Variants in HCRTR2 observed in about 807,000 individuals in gnomAD.
HCRTR2 encodes hypocretin receptor 2, also known as orexin receptor type 2.
In HCRTR2, 22 loss-of-function variants were observed where a neutral mutation model predicts 49.0. The observed-to-expected ratio is 0.45, with a 90% CI of 0.32 to 0.64. HCRTR2 has a LOEUF of 0.64. HCRTR2 is among the 30% of genes least tolerant of loss of function. HCRTR2 has a pLI of 0.04. For synonymous variants in HCRTR2, 236 were observed against 205.3 expected (o/e 1.15, Z -1.28); for missense variants, 491 against 559.4 (o/e 0.88, Z 1.23).
chr6:55,138,564 A>C (rs1398803034), intron 1 of HCRTR2, among the ~76,000 whole-genome samples: 2 of 152,170 alleles, frequency 1.3e-5, no homozygotes, highest in Non-Finnish European at 2.9e-5. Flanking sequence ...AGATGTTAAA[A>C]CTGTATTTTT....
At chr6:55,173,603 G>A (rs1764982777), upstream of HCRTR2, among the ~76,000 whole-genome samples, 1 of 152,178 alleles carries the variant, frequency 6.6e-6, no homozygotes, top group African/African-American at 2.4e-5. Flanking sequence ...ATTTACCAGA[G>A]AGAGCACTTC....
intron 1 of HCRTR2, among the ~76,000 whole-genome samples, chr6:55,226,788 G>C (rs889413069): frequency 3.7e-5 from 5 of 133,564 alleles, no homozygotes; most frequent in African/African-American, 1.4e-4. Flanking sequence ...GTGAGATCTC[G>C]GCTCACTGAA....
chr6:55,114,048 C>A (rs1764084769), intron 1 of HCRTR2, among the ~76,000 whole-genome samples: 1 of 151,742 alleles, frequency 6.6e-6, no homozygotes, highest in African/African-American at 2.4e-5. Context: ...AATGGAAAAC[C>A]AAACATCATA....
intron 1 of HCRTR2, among the ~76,000 whole-genome samples, chr6:55,129,742 C>T (rs1278593332): frequency 6.6e-6 from 1 of 151,980 alleles, no homozygotes; most frequent in East Asian, 1.9e-4. Context: ...TAAATGCATC[C>T]TCTAGGCTCT....
rs537525964 is a variant in HCRTR2, at chr6:55,197,412, C to G, written c.223+22602C>G. Among the ~76,000 whole-genome samples, 7 of 152,240 alleles carry G rather than the reference C, an allele frequency of 4.6e-5. No individual in the cohort carries two copies. The East Asian group carries it at 1.4e-3, about 29-fold the overall frequency. On this transcript the variant is annotated intron_variant, in intron 1 of 6. Coordinates refer to ENST00000370862, the MANE Select transcript of HCRTR2 (RefSeq NM_001384272.1). Reference sequence around the variant, plus strand: ...CATAGGCCCAAATATAACTCTAACTCGAAGTCAAAAACTTAACAAACCTTA... The same window carrying G: ...CATAGGCCCAAATATAACTCTAACTGGAAGTCAAAAACTTAACAAACCTTA...
chr6:55,192,776 C>T (rs1765342158), intron 1 of HCRTR2, among the ~76,000 whole-genome samples: 1 of 152,308 alleles, frequency 6.6e-6, no homozygotes, highest in Admixed American at 6.5e-5. Context: ...CATACTCAAT[C>T]TACGTAACAA....
intron 1 of HCRTR2, among the ~76,000 whole-genome samples, chr6:55,215,467 C>T (rs1765770961): frequency 6.6e-6 from 1 of 151,734 alleles, no homozygotes; most frequent in Admixed American, 6.6e-5. Flanking sequence ...CGCTGAACAG[C>T]AACACAAAAG....
At chr6:55,170,395 C>T (rs1324994389), upstream of HCRTR2, among the ~76,000 whole-genome samples, 4 of 150,614 alleles carry the variant, frequency 2.7e-5, no homozygotes, top group African/African-American at 9.7e-5. Context: ...GTGTAATGGT[C>T]AAGCCAGAAT....
intron 1 of HCRTR2, among the ~76,000 whole-genome samples, chr6:55,242,242 A>G (rs935768402): frequency 2.0e-5 from 3 of 152,178 alleles, no homozygotes; most frequent in African/African-American, 7.2e-5. Flanking sequence ...TTTTAAGTGT[A>G]TAGTTCAATG....
At chr6:55,189,958 A>C (rs187746083) in intron 1 of HCRTR2, among the ~76,000 whole-genome samples, 70 of 152,314 alleles carry the variant, frequency 4.6e-4, no homozygotes, top group Non-Finnish European at 1.0e-4. Context: ...ACCCACGTGC[A>C]GTTGTCCAGC....
In HCRTR2 at chr6:55,209,264, C is replaced by T. The variant is rs184521896; in HGVS notation, c.223+34454C>T. 9.2e-5 allele frequency among the ~76,000 whole-genome samples: 14 copies of T among 152,030 alleles called. No homozygotes were observed. In the East Asian group the frequency reaches 2.5e-3, roughly 27 times the overall value. ...AGGCTTAATCATGCCATTTAAGTGT[C>T]ATGGAAAAAGGTTTATTGGTCAGGA... is the stretch of plus-strand genomic sequence containing the variant. On this transcript the variant is annotated intron_variant, in intron 1 of 6. Coordinates refer to ENST00000370862, the MANE Select transcript of HCRTR2 (RefSeq NM_001384272.1).
intron 5 of HCRTR2, 58 bp from the exon 6 acceptor site, chr6:55,280,265 G>C: frequency 8.6e-7 from 1 of 1,162,530 alleles, no homozygotes; most frequent in Non-Finnish European, 1.3e-6. Flanking sequence ...CAATAGCCTT[G>C]TTCACCTTTG....
chr6:55,113,601 AGTAATTTT>A, intron 1 of HCRTR2, among the ~76,000 whole-genome samples: 1 of 152,034 alleles, frequency 6.6e-6, no homozygotes, highest in Admixed American at 6.6e-5. Context: ...CTCCTGCAAG[AGTAATTTT>A]ATCCATTTTA....
chr6:55,131,618 G>C (rs1371667528), intron 1 of HCRTR2, among the ~76,000 whole-genome samples: 1 of 151,542 alleles, frequency 6.6e-6, no homozygotes, highest in Non-Finnish European at 1.5e-5. Context: ...AGCAAAAAAA[G>C]GCAAAAATTT....
chr6:55,251,529 A>G (rs996261480), intron 2 of HCRTR2, among the ~76,000 whole-genome samples: 1 of 151,804 alleles, frequency 6.6e-6, no homozygotes, highest in Admixed American at 6.6e-5. Context: ...ATTTTTTTTA[A>G]CTGCAGAAGA....
chr6:55,161,575 T>C (rs566610984), intron 1 of HCRTR2, among the ~76,000 whole-genome samples: 4 of 151,360 alleles, frequency 2.6e-5, no homozygotes, highest in African/African-American at 9.7e-5. Flanking sequence ...ACAAAATAGA[T>C]AGATCACTAG....
chr6:55,173,863 G>T (rs932996605), upstream of HCRTR2, among the ~76,000 whole-genome samples: 1 of 152,124 alleles, frequency 6.6e-6, no homozygotes, highest in African/African-American at 2.4e-5. Context: ...TTAAAGACTC[G>T]GCAAGTACTA....
At chr6:55,148,724 T>A (rs1057126002) in intron 1 of HCRTR2, among the ~76,000 whole-genome samples, 1 of 152,140 alleles carries the variant, frequency 6.6e-6, no homozygotes, top group Non-Finnish European at 1.5e-5. Context: ...AAGGCTGAGA[T>A]TGTGAACATC....
chr6:55,248,392 A>G (rs1766485598), intron 1 of HCRTR2, among the ~76,000 whole-genome samples: 1 of 152,168 alleles, frequency 6.6e-6, no homozygotes, highest in Admixed American at 6.6e-5. Context: ...TTTGCAATTC[A>G]AAATCAAGTA....
Sources: gnomAD v4.1 joint callset for allele counts (sites outside exome capture counted in the v4.1 genomes callset) on GRCh38, gnomAD v4.1.1 for gene constraint, MANE v1.5 for transcripts, NCBI Gene and HGNC (gene_info 2026-07-23, HGNC 2026-07-21) for gene names.